SLC25A22: variants seen among roughly 807,000 people sequenced by gnomAD.
SLC25A22 encodes mitochondrial glutamate carrier 1.
SLC25A22 carries 23 observed loss-of-function variants against 33.7 expected under a neutral mutation model. The ratio of observed to expected loss-of-function variants is 0.68; its 90% confidence interval spans 0.49 to 0.97. The LOEUF (loss-of-function observed/expected upper bound fraction) is 0.97. Ranked by LOEUF, SLC25A22 falls within the 50% of genes least tolerant of loss-of-function variation. SLC25A22 has a pLI of 0.00. For synonymous variants in SLC25A22, 245 were observed against 203.8 expected (o/e 1.20, Z -1.72); for missense variants, 390 against 451.1 (o/e 0.86, Z 1.23).
intron 1 of SLC25A22, chr11:797,429 A>C (rs1377341681): frequency 2.5e-6 from 1 of 395,550 alleles, no homozygotes; most frequent in Non-Finnish European, 4.4e-6. Context: ...GAAACCCTGC[A>C]GCCCCAGCCG....
Position 791,566 on chromosome 11 carries a change from G to C in SLC25A22, c.*349C>G, listed in dbSNP as rs974018608. On this transcript the variant is annotated 3_prime_UTR_variant, in exon 10 of 10. Transcript: ENST00000628067. ...TGTGGAGACTGGAGCTGGTGGACTGGGGGTATGGTCCAGCCTGCCCGGCCC... is the reference window on the plus strand; with the variant it reads ...TGTGGAGACTGGAGCTGGTGGACTGCGGGTATGGTCCAGCCTGCCCGGCCC... 2.7e-6 allele frequency: 1 copy of C among 368,868 alleles called. No individual in the cohort carries two copies. The highest frequency in any genetic ancestry group is 2.1e-5 in the African/African-American group (1 of 47,974). The allele number at this position is 368,868 out of a possible 1,614,324, so 22.8% of individuals were successfully genotyped here.
intron 5 of SLC25A22, among the ~76,000 whole-genome samples, chr11:793,292 G>A (rs1352038693): frequency 6.6e-6 from 1 of 152,222 alleles, no homozygotes; most frequent in Non-Finnish European, 1.5e-5. Flanking sequence ...CCAGTGATGG[G>A]GGAGCTGGTC....
At position 790,576 on chromosome 11, in the gene SLC25A22, G is replaced by A. The variant is rs367812123; in HGVS notation, c.*1339C>T. On this transcript the variant is annotated 3_prime_UTR_variant, in exon 10 of 10. Coordinates refer to ENST00000628067, the MANE Select transcript of SLC25A22 (RefSeq NM_001191061.2). ...AAAAAATATAATTCTGTAAGCAGCA[G>A]CAGCAGCTTCCAAGGTTCTGATGTG... 2 of 152,386 alleles carry A rather than the reference G, an allele frequency of 1.3e-5. No homozygotes were observed. Among genetic ancestry groups the A allele is most frequent in the East Asian group, 1.9e-4 (1 of 5,186 alleles). The allele number at this position is 152,386 out of a possible 1,614,324, so 9.4% of individuals were successfully genotyped here.
Position 792,065 on chromosome 11 carries a change from C to T in SLC25A22, c.822G>A (p.Lys274=). The change falls in exon 10 of 10, where the codon AAG becomes AAA. Residue 274 remains lysine (K), a synonymous_variant. Transcript: ENST00000628067. ...TYSGILDCAR[K]ILRHEGPSAF... is the part of the protein sequence containing the mutation. ...CCGAGGGGCCCTCGTGCCGCAGGATCTTCCTGTGGAGGAAGGACGAAAGGG... is the reference window on the plus strand; with the variant it reads ...CCGAGGGGCCCTCGTGCCGCAGGATTTTCCTGTGGAGGAAGGACGAAAGGG... 3 of 1,598,940 alleles carry T rather than the reference C, an allele frequency of 1.9e-6. No homozygotes were observed. Among genetic ancestry groups the T allele is most frequent in the Non-Finnish European group, 2.6e-6 (3 of 1,173,198 alleles).
chr11:793,416 A>T (rs758114470), intron 5 of SLC25A22, 113 bp downstream of exon 5: 2 of 1,006,616 alleles, frequency 2.0e-6, no homozygotes, highest in Non-Finnish European at 3.1e-6. Flanking sequence ...AGAAGCCCCA[A>T]GCAAGGGGCT....
At chr11:793,967 G>A (rs775166433) in intron 4 of SLC25A22, 5 of 474,296 alleles carry the variant, frequency 1.1e-5, no homozygotes, top group African/African-American at 2.0e-5. Flanking sequence ...CTGGCAGGGG[G>A]CTGGGGCCAG....
Position 792,654 on chromosome 11 carries a change from A to T in SLC25A22, c.486T>A (p.Ala162=). ...AQGGAQPSVE[A]PAAPRPTATQ... is the part of the protein sequence containing the mutation. ...TGGCCGTGGGCCGAGGGGCAGCTGG[A>T]GCCTCCACTGAGGGCTGGGCACCCC... Residue 162 remains alanine, a synonymous_variant, in exon 7 of 10, where the codon GCT becomes GCA. Transcript: ENST00000628067. 1.3e-6 allele frequency: 2 copies of T among 1,575,928 alleles called. No homozygotes were observed. The highest frequency in any genetic ancestry group is 2.3e-5 in the East Asian group (1 of 43,254).
chr11:792,760 G>A (rs1590118891), intron 6 of SLC25A22, 33 bp from the exon 7 acceptor site: 3 of 1,545,124 alleles, frequency 1.9e-6, no homozygotes, highest in South Asian at 1.2e-5. Context: ...CTCCTCTTCT[G>A]TGCGAACTGG....
In SLC25A22 at chr11:795,627, T is replaced by C. The variant is rs563769959; in HGVS notation, c.-163-458A>G. Reference sequence around the variant, plus strand: ...CTAGGGGCTGGGGTCCCGGGCGCCCTAAGACCCCCCGACCTGGGCTCAGCT... The same window carrying C: ...CTAGGGGCTGGGGTCCCGGGCGCCCCAAGACCCCCCGACCTGGGCTCAGCT... On this transcript the variant is annotated intron_variant, in intron 1 of 9. Coordinates refer to ENST00000628067, the MANE Select transcript of SLC25A22 (RefSeq NM_001191061.2). The C allele has an allele frequency of 2.4e-5, 5 of 204,792 alleles. No individual in the cohort carries two copies. The South Asian group carries it at 4.0e-4, about 16-fold the overall frequency. The allele number at this position is 204,792 out of a possible 1,614,324, so 12.7% of individuals were successfully genotyped here.
intron 4 of SLC25A22, 70 bp downstream of exon 4, chr11:794,388 C>T (rs745929429): frequency 1.3e-5 from 20 of 1,563,942 alleles, no homozygotes; most frequent in African/African-American, 2.7e-5. Context: ...CCTCCCCCAC[C>T]GCTCCCTGCC....
At position 795,161 on chromosome 11, in the gene SLC25A22, A is replaced by G. The variant is rs886048702; in HGVS notation, c.-155T>C. 88 of 885,060 alleles carry G rather than the reference A, an allele frequency of 9.9e-5. No individual in the cohort carries two copies. Among genetic ancestry groups the G allele is most frequent in the Non-Finnish European group, 1.5e-4 (81 of 554,984 alleles). 54.8% of individuals were successfully genotyped at this position (885,060 alleles called of 1,614,324 possible). ...GAATTTCCAGGCGTCAGCAACCGCC[A>G]CTTCTGTCCTAGAAGGATGAGGGAA... On this transcript the variant is annotated 5_prime_UTR_variant, in exon 2 of 10. Transcript: ENST00000628067.
At position 792,191 on chromosome 11, in the gene SLC25A22, GAA is replaced by G; in HGVS notation, c.767_768del (p.Leu256ProfsTer160). 6.2e-7 allele frequency: 1 copy of G among 1,612,940 alleles called. No individual in the cohort carries two copies. Among genetic ancestry groups the G allele is most frequent in the Non-Finnish European group, 8.5e-7 (1 of 1,179,896 alleles). On this transcript the variant is annotated frameshift_variant, in exon 9 of 10. Coordinates refer to ENST00000628067, the MANE Select transcript of SLC25A22 (RefSeq NM_001191061.2). LOFTEE classifies it high-confidence loss of function. ...TAGGTGTCCTCGTTGACGCCTCGCTGAAGTGACTGGAGCCGCGTCTTCACCAC... is the reference window on the plus strand; with the variant it reads ...TAGGTGTCCTCGTTGACGCCTCGCTGGTGACTGGAGCCGCGTCTTCACCAC... ...CDVVKTRLQS[L>X]QRGVNEDTYS...
chr11:793,961 C>T, intron 4 of SLC25A22: 1 of 476,468 alleles, frequency 2.1e-6, no homozygotes, highest in Non-Finnish European at 3.9e-6. Flanking sequence ...CTTGTGCTGG[C>T]AGGGGGCTGG....
At chr11:796,543 T>C (rs1864836668) in intron 1 of SLC25A22, among the ~76,000 whole-genome samples, 1 of 152,138 alleles carries the variant, frequency 6.6e-6, no homozygotes, top group Admixed American at 6.5e-5. Context: ...TGTCTAGGGC[T>C]GGTACTCTGA....
Position 793,627 on chromosome 11 carries a change from G to GC in SLC25A22, c.203-9dup. On this transcript the variant is annotated splice_polypyrimidine_tract_variant and intron_variant, in intron 4 of 9. Transcript: ENST00000628067. ...TCAAGTTCACAGCAGCTCCTGTGGG[G>GC]CAGGGGGTCAGCTGGGGGGACATGC... The GC allele has an allele frequency of 1.2e-6, 2 of 1,602,558 alleles. No homozygotes were observed. Among genetic ancestry groups the GC allele is most frequent in the Non-Finnish European group, 1.7e-6 (2 of 1,176,502 alleles).
chr11:797,645 T>A (rs918302043), intron 1 of SLC25A22: 69 of 398,552 alleles, frequency 1.7e-4, no homozygotes, highest in African/African-American at 1.4e-3. Flanking sequence ...AGGCTCCGAG[T>A]CTGGCCGGCG....
intron 4 of SLC25A22, 39 bp downstream of exon 4, chr11:794,419 A>G (rs1191031411): frequency 6.2e-7 from 1 of 1,605,172 alleles, no homozygotes; most frequent in Non-Finnish European, 8.5e-7. Context: ...GGCGCTACCC[A>G]GGCCTGCCCA....
Position 792,564 on chromosome 11 carries a change from G to T in SLC25A22, c.576C>A (p.Ala192=), listed in dbSNP as rs776111607. 2 of 1,612,246 alleles carry T rather than the reference G, an allele frequency of 1.2e-6. No homozygotes were observed. The highest frequency in any genetic ancestry group is 4.5e-5 in the East Asian group (2 of 44,858). Residue 192 remains alanine (A), a synonymous_variant, in exon 7 of 10, where the codon GCC becomes GCA. Transcript: ENST00000628067. ...GIAGLYKGLG[A]TLLRDVPFSV... is the part of the protein sequence containing the mutation. ...CCTGTGCCTCCTACCTGAGCAGCGT[G>T]GCCCCGAGTCCCTTGTAGAGACCGG...
At position 794,109 on chromosome 11, in the gene SLC25A22, G is replaced by A. The variant is rs539535929; in HGVS notation, c.202+349C>T. 9 of 582,306 alleles carry A rather than the reference G, an allele frequency of 1.5e-5. No individual in the cohort carries two copies. The East Asian group carries it at 2.0e-4, about 13-fold the overall frequency. The allele number at this position is 582,306 out of a possible 1,614,324, so 36.1% of individuals were successfully genotyped here. On this transcript the variant is annotated intron_variant, in intron 4 of 9. Transcript: ENST00000628067. ...TAGGCTCTGGATTGTGTCCTAAGCT[G>A]CTTTGCGGTAATGCCCCTTACTCCC...
Sources: allele counts gnomAD v4.1 joint callset (sites outside exome capture counted in the v4.1 genomes callset), GRCh38; gene constraint gnomAD v4.1.1; transcripts MANE v1.5; gene names NCBI Gene and HGNC (gene_info 2026-07-23, HGNC 2026-07-21).